The following MINDY4 variants were observed in gnomAD, a reference collection of about 807,000 sequenced individuals.
MINDY4 encodes MINDY lysine 48 deubiquitinase 4, also known as probable ubiquitin carboxyl-terminal hydrolase MINDY-4.
MINDY4 carries 68 observed loss-of-function variants against 87.0 expected under a neutral mutation model. The observed-to-expected ratio is 0.78, with a 90% CI of 0.64 to 0.96. MINDY4 has a LOEUF of 0.96. Ranked by LOEUF, MINDY4 falls within the 40% of genes least tolerant of loss-of-function variation. The probability of loss-of-function intolerance (pLI) is 0.00; values close to 1 mark genes in which losing one functional copy is unlikely to be tolerated. For missense variants in MINDY4, 919 were observed against 928.2 expected, an observed-to-expected ratio of 0.99 and a Z score of 0.13; for synonymous variants, 379 against 363.2, an observed-to-expected ratio of 1.04 and a Z score of -0.50.
At chr7:30,823,629 G>A (rs1160750907) in intron 5 of MINDY4, among the ~76,000 whole-genome samples, 2 of 151,762 alleles carry the variant, frequency 1.3e-5, no homozygotes, top group African/African-American at 2.4e-5. Context: ...CTTTTCTTAT[G>A]ATTTCCATTC....
At position 30,875,486 on chromosome 7, in the gene MINDY4, CAT is replaced by C; in HGVS notation, c.1810-8_1810-7del. The C allele has an allele frequency of 1.2e-6, 2 of 1,614,148 alleles. No individual in the cohort carries two copies. The highest frequency in any genetic ancestry group is 1.1e-5 in the South Asian group (1 of 91,086). ...CTTGATGAGTCTTTCCCCTTTCTCT[CAT>C]CTGCAGGAACTTGTCAATCTGCTCC... On this transcript the variant is annotated splice_region_variant and splice_polypyrimidine_tract_variant and intron_variant, in intron 14 of 17. Coordinates refer to ENST00000265299, the MANE Select transcript of MINDY4 (RefSeq NM_032222.3).
intron 13 of MINDY4, among the ~76,000 whole-genome samples, chr7:30,871,326 G>C (rs942089173): frequency 6.6e-6 from 1 of 152,232 alleles, no homozygotes; most frequent in Non-Finnish European, 1.5e-5. Flanking sequence ...GTAGATAGCA[G>C]CTCCTTCCCT....
At position 30,782,135 on chromosome 7, in the gene MINDY4, T is replaced by C; in HGVS notation, c.342T>C (p.Thr114=). ...NNKVPSRCSE[T]TLVNIYDLSD... ...AAGTGCCATCAAGATGCTCAGAGAC[T>C]ACACTGGTAAATATATATGACCTTT... Residue 114 remains threonine, a synonymous_variant, in exon 3 of 18, where the codon ACT becomes ACC. Transcript: ENST00000265299. The C allele has an allele frequency of 1.9e-6, 3 of 1,614,154 alleles. No homozygotes were observed. Among genetic ancestry groups the C allele is most frequent in the Non-Finnish European group, 2.5e-6 (3 of 1,180,032 alleles).
At chr7:30,775,163 T>C (rs1298623867) in intron 1 of MINDY4, among the ~76,000 whole-genome samples, 1 of 152,162 alleles carries the variant, frequency 6.6e-6, no homozygotes, top group Non-Finnish European at 1.5e-5. Flanking sequence ...GTCCTGACAC[T>C]ACCAAGAGTT....
At chr7:30,841,267 C>T (rs1364643211) in intron 9 of MINDY4, among the ~76,000 whole-genome samples, 1 of 152,244 alleles carries the variant, frequency 6.6e-6, no homozygotes, top group Non-Finnish European at 1.5e-5. Context: ...CACAGATCAT[C>T]ACTTCCACTC....
At chr7:30,864,065 G>C (rs1390640943) in intron 13 of MINDY4, among the ~76,000 whole-genome samples, 1 of 152,248 alleles carries the variant, frequency 6.6e-6, no homozygotes, top group Non-Finnish European at 1.5e-5. Context: ...AGAAGGTCCA[G>C]TGGGGGTGAA....
chr7:30,785,670 A>C (rs1004878096), intron 3 of MINDY4, 79 bp from the exon 4 acceptor site: 2 of 1,539,366 alleles, frequency 1.3e-6, no homozygotes, highest in Admixed American at 1.7e-5. Flanking sequence ...TTGAATGCAC[A>C]TTGAATGTGG....
chr7:30,856,855 C>T (rs1412332323), intron 12 of MINDY4, among the ~76,000 whole-genome samples: 1 of 151,878 alleles, frequency 6.6e-6, no homozygotes, highest in Non-Finnish European at 1.5e-5. Flanking sequence ...GAGCCTGTGT[C>T]CCCCTGTGCA....
In MINDY4 at chr7:30,875,790, G is replaced by A. The variant is rs575148138; in HGVS notation, c.1971+134G>A. On this transcript the variant is annotated intron_variant, in intron 15 of 17. Transcript: ENST00000265299. ...ATTCGGGTCCAGTTAGAATCACAGA[G>A]GGCTTGGGAAGAAGTACAGCTTCTC... is the stretch of plus-strand genomic sequence containing the variant. 1.1e-5 allele frequency: 11 copies of A among 982,544 alleles called. No individual in the cohort carries two copies. In the East Asian group the frequency reaches 2.2e-4, roughly 20 times the overall value. The allele number at this position is 982,544 out of a possible 1,614,324, so 60.9% of individuals were successfully genotyped here. A position where few individuals can be genotyped will look rare whatever the true frequency, so the allele number is the denominator to read the frequency against.
intron 5 of MINDY4, among the ~76,000 whole-genome samples, chr7:30,805,570 G>A (rs1323154855): frequency 6.6e-6 from 1 of 152,138 alleles, no homozygotes; most frequent in South Asian, 2.1e-4. Context: ...CACCCAAGGC[G>A]AGGGAAGAGC....
At chr7:30,797,675 G>A (rs1294018574) in intron 5 of MINDY4, among the ~76,000 whole-genome samples, 2 of 152,170 alleles carry the variant, frequency 1.3e-5, no homozygotes, top group Non-Finnish European at 2.9e-5. Flanking sequence ...TAGGAGATAT[G>A]GGAGCCTTTG....
chr7:30,793,184 A>G (rs1256375119), intron 5 of MINDY4, among the ~76,000 whole-genome samples: 2 of 146,748 alleles, frequency 1.4e-5, no homozygotes, highest in South Asian at 2.1e-4. Context: ...ATTATTCTTT[A>G]TGATTGCAAT....
intron 6 of MINDY4, among the ~76,000 whole-genome samples, chr7:30,832,627 A>G (rs976738926): frequency 1.3e-5 from 2 of 152,104 alleles, no homozygotes; most frequent in Non-Finnish European, 2.9e-5. Flanking sequence ...CTCAGGCCTC[A>G]GCCTCCTGAG....
rs866526161 is a variant in MINDY4, at chr7:30,853,544, G to A, written c.1677+85G>A. The A allele has an allele frequency of 5.7e-6, 7 of 1,231,422 alleles. 1 individual carries two copies. In the Middle Eastern group the frequency reaches 1.3e-3, roughly 230 times the overall value. The allele number at this position is 1,231,422 out of a possible 1,614,324, so 76.3% of individuals were successfully genotyped here. On this transcript the variant is annotated intron_variant, in intron 12 of 17. Coordinates refer to ENST00000265299, the MANE Select transcript of MINDY4 (RefSeq NM_032222.3). ...GGGAACAATGCTGTGAACTGGAGTT[G>A]TTCTCCTGTCGTCCCACCCTGGGAT...
At chr7:30,851,731 A>G (rs1335004150) in intron 10 of MINDY4, among the ~76,000 whole-genome samples, 1 of 152,186 alleles carries the variant, frequency 6.6e-6, no homozygotes, top group Non-Finnish European at 1.5e-5. Context: ...CCAAGGCTAC[A>G]CAGCCACTAA....
chr7:30,891,860 A>G, intron 17 of MINDY4, 97 bp from the exon 18 acceptor site: 1 of 1,288,166 alleles, frequency 7.8e-7, no homozygotes, highest in South Asian at 1.2e-5. Context: ...CAAAGCCTCC[A>G]AGACAAAACC....
intron 17 of MINDY4, among the ~76,000 whole-genome samples, chr7:30,886,705 G>A (rs1489988922): frequency 1.3e-5 from 2 of 152,162 alleles, no homozygotes; most frequent in African/African-American, 2.4e-5. Context: ...TGCTGGTTTC[G>A]CCTTCAGAGA....
In MINDY4 at chr7:30,791,697, C is replaced by T. The variant is rs965626401; in HGVS notation, c.1073+123C>T. The T allele has an allele frequency of 1.8e-5, 19 of 1,057,486 alleles. No homozygotes were observed. In the Admixed American group the frequency reaches 3.0e-4, roughly 16 times the overall value. The allele number at this position is 1,057,486 out of a possible 1,614,324, so 65.5% of individuals were successfully genotyped here. A position where few individuals can be genotyped will look rare whatever the true frequency, so the allele number is the denominator to read the frequency against. ...TCCTTGGTCTCTCAGAACAAGCCTG[C>T]GAAGTAACCGGCAAGGTAGAGTTTG... On this transcript the variant is annotated intron_variant, in intron 5 of 17. Coordinates refer to ENST00000265299, the MANE Select transcript of MINDY4 (RefSeq NM_032222.3).
chr7:30,794,463 A>T (rs17159456), intron 5 of MINDY4, among the ~76,000 whole-genome samples: 1 of 151,954 alleles, frequency 6.6e-6, no homozygotes, highest in Admixed American at 6.5e-5. Context: ...GCCTCCAAAC[A>T]TCAGGTTCAG....
Sources: gnomAD v4.1 joint callset for allele counts (sites outside exome capture counted in the v4.1 genomes callset) on GRCh38, gnomAD v4.1.1 for gene constraint, MANE v1.5 for transcripts, NCBI Gene and HGNC (gene_info 2026-07-23, HGNC 2026-07-21) for gene names.